The following NOL4L variants were observed in gnomAD, a reference collection of about 807,000 sequenced individuals.
NOL4L encodes nucleolar protein 4 like.
A neutral mutation model predicts 64.5 loss-of-function variants in NOL4L; 7 were observed. That is an observed-to-expected ratio of 0.11 (90% CI 0.06 to 0.20). The LOEUF is 0.20. Among genes scored for constraint, NOL4L ranks in the 10% least tolerant of loss-of-function variants. The pLI, the probability that NOL4L is intolerant of heterozygous loss-of-function variation, is 1.00. For synonymous variants in NOL4L, 413 were observed against 401.0 expected (o/e 1.03, Z -0.36); for missense variants, 680 against 967.1 (o/e 0.70, Z 3.94).
intron 10 of NOL4L, among the ~76,000 whole-genome samples, chr20:32,451,387 C>G (rs530963124): frequency 6.6e-6 from 1 of 152,324 alleles, no homozygotes; most frequent in South Asian, 2.1e-4. Context: ...AGTGCCTGGC[C>G]CAAGAGGTCC....
chr20:32,473,578 A>G (rs1210482451), intron 5 of NOL4L, among the ~76,000 whole-genome samples: 1 of 152,132 alleles, frequency 6.6e-6, no homozygotes, highest in South Asian at 2.1e-4. Flanking sequence ...TCTCCTCCCA[A>G]ACAAAGCCGG....
chr20:32,575,330 C>T (rs1379866565), intron 1 of NOL4L, among the ~76,000 whole-genome samples: 1 of 152,156 alleles, frequency 6.6e-6, no homozygotes, highest in Non-Finnish European at 1.5e-5. Flanking sequence ...TCCAAACATG[C>T]TTCTCTAAGA....
chr20:32,558,475 T>G (rs148235098), intron 1 of NOL4L, among the ~76,000 whole-genome samples: 1 of 152,328 alleles, frequency 6.6e-6, no homozygotes, highest in African/African-American at 2.4e-5. Flanking sequence ...TGAATGAGAC[T>G]ATTGAGGGCA....
At chr20:32,555,657 C>G (rs1978601570) in intron 1 of NOL4L, among the ~76,000 whole-genome samples, 1 of 152,050 alleles carries the variant, frequency 6.6e-6, no homozygotes, top group Non-Finnish European at 1.5e-5. Context: ...GGGCCGCACT[C>G]TAATAGGAAT....
intron 1 of NOL4L, among the ~76,000 whole-genome samples, chr20:32,569,157 C>T (rs925544116): frequency 1.3e-5 from 2 of 152,170 alleles, no homozygotes; most frequent in African/African-American, 4.8e-5. Flanking sequence ...TAGGAACCAA[C>T]GACATTTTGA....
chr20:32,582,969 C>G lies in NOL4L; in HGVS notation c.321+1601G>C, dbSNP rs567171311. ...GGGGGAGGGGACAATGACCCAGACT[C>G]GCCGGGTTTGAGCGAGAGTGCTGAT... On this transcript the variant is annotated intron_variant, in intron 1 of 10. Coordinates refer to ENST00000621426, the MANE Select transcript of NOL4L (RefSeq NM_001256798.2). Among the ~76,000 whole-genome samples the G allele has an allele frequency of 2.6e-5, 4 of 151,960 alleles. No individual in the cohort carries two copies. In the East Asian group the frequency reaches 5.9e-4, roughly 22 times the overall value.
chr20:32,454,037 G>A (rs566495392), intron 6 of NOL4L: 27 of 443,762 alleles, frequency 6.1e-5, no homozygotes, highest in Middle Eastern at 6.2e-4. Context: ...GCTGCTGAGC[G>A]CTTAGGAGGG....
At chr20:32,562,438 G>C (rs73906156) in intron 1 of NOL4L, among the ~76,000 whole-genome samples, 3,962 of 152,232 alleles carry the variant, frequency 0.026, 169 homozygotes, top group African/African-American at 0.088. Flanking sequence ...GTGTGCTATG[G>C]CTCCGCCCAC....
rs1458594135 is a variant in NOL4L, at chr20:32,445,864, C to T, written c.*1732G>A. ...CCTGAGGCAGGATGGGGCATCCTCACTGGTGCCCCCCCCATCCCTCCTTGG... is the reference window on the plus strand; with the variant it reads ...CCTGAGGCAGGATGGGGCATCCTCATTGGTGCCCCCCCCATCCCTCCTTGG... On this transcript the variant is annotated 3_prime_UTR_variant, in exon 11 of 11. Transcript: ENST00000621426. The T allele has an allele frequency of 6.8e-6, 1 of 148,020 alleles. No individual in the cohort carries two copies. The highest frequency in any genetic ancestry group is 1.9e-4 in the East Asian group (1 of 5,204). The allele number at this position is 148,020 out of a possible 1,614,324, so 9.2% of individuals were successfully genotyped here.
rs544513677 is a variant in NOL4L, at chr20:32,515,901, T to G, written c.590-4445A>C. ...TTCAACATCTCTTTGCCAAGAAAAATGGAAACCAGCCCAGGCACTAGACCT... is the reference window on the plus strand; with the variant it reads ...TTCAACATCTCTTTGCCAAGAAAAAGGGAAACCAGCCCAGGCACTAGACCT... On this transcript the variant is annotated intron_variant, in intron 3 of 10. Coordinates refer to ENST00000621426, the MANE Select transcript of NOL4L (RefSeq NM_001256798.2). 3.9e-5 allele frequency among the ~76,000 whole-genome samples: 6 copies of G among 152,080 alleles called. No individual in the cohort carries two copies. In the East Asian group the frequency reaches 1.2e-3, roughly 29 times the overall value.
intron 1 of NOL4L, among the ~76,000 whole-genome samples, chr20:32,559,179 G>A (rs1166093155): frequency 6.6e-6 from 1 of 152,102 alleles, no homozygotes; most frequent in Non-Finnish European, 1.5e-5. Flanking sequence ...CTGGATTTCT[G>A]TCCTTCCCTA....
intron 1 of NOL4L, among the ~76,000 whole-genome samples, chr20:32,562,901 G>T: frequency 2.8e-5 from 3 of 108,878 alleles, no homozygotes; most frequent in African/African-American, 1.1e-4. Flanking sequence ...GAGGGTGGAG[G>T]GGAGGGAGAG....
intron 1 of NOL4L, among the ~76,000 whole-genome samples, chr20:32,581,173 A>G (rs1394055627): frequency 7.2e-5 from 11 of 151,960 alleles, no homozygotes; most frequent in Non-Finnish European, 1.6e-4. Flanking sequence ...TCTCCTCCAT[A>G]CCCTGCTTCC....
At chr20:32,559,001 C>T (rs1263576095) in intron 1 of NOL4L, among the ~76,000 whole-genome samples, 3 of 152,104 alleles carry the variant, frequency 2.0e-5, no homozygotes, top group East Asian at 1.9e-4. Context: ...TAGTGTGTCC[C>T]GTATCTCCAG....
chr20:32,452,787 C>G, intron 9 of NOL4L, 97 bp downstream of exon 9: 2 of 1,554,718 alleles, frequency 1.3e-6, no homozygotes, highest in Non-Finnish European at 1.7e-6. Flanking sequence ...CTTCTCCCGA[C>G]TGTACCCATC....
chr20:32,531,952 G>C (rs1040663516), intron 1 of NOL4L, among the ~76,000 whole-genome samples: 19 of 152,096 alleles, frequency 1.2e-4, no homozygotes, highest in Non-Finnish European at 1.6e-4. Flanking sequence ...AATATGCTAA[G>C]GCTCCCACAA....
intron 1 of NOL4L, among the ~76,000 whole-genome samples, chr20:32,579,911 C>A (rs920297162): frequency 6.6e-6 from 1 of 152,152 alleles, no homozygotes; most frequent in Non-Finnish European, 1.5e-5. Context: ...CTCCTCCCCA[C>A]CCCACACCCA....
Position 32,551,531 on chromosome 20 carries a change from G to A in NOL4L, c.322-23618C>T, listed in dbSNP as rs552964503. Among the ~76,000 whole-genome samples, 10 of 152,162 alleles carry A rather than the reference G, an allele frequency of 6.6e-5. No homozygotes were observed. The East Asian group carries it at 7.7e-4, about 12-fold the overall frequency. On this transcript the variant is annotated intron_variant, in intron 1 of 10. Coordinates refer to ENST00000621426, the MANE Select transcript of NOL4L (RefSeq NM_001256798.2). Reference sequence around the variant, plus strand: ...ACATGCTACAACATGGATGAACCCCGAAAACGTAAGTAAAAGAAATCCATT... The same window carrying A: ...ACATGCTACAACATGGATGAACCCCAAAAACGTAAGTAAAAGAAATCCATT...
chr20:32,483,327 G>C, intron 4 of NOL4L: 2 of 978,028 alleles, frequency 2.0e-6, no homozygotes, highest in Non-Finnish European at 2.4e-6. Flanking sequence ...CCCCGGAAAC[G>C]GCCCGATCGC....
Sources: gnomAD v4.1 joint callset for allele counts (sites outside exome capture counted in the v4.1 genomes callset) on GRCh38, gnomAD v4.1.1 for gene constraint, MANE v1.5 for transcripts, NCBI Gene and HGNC (gene_info 2026-07-23, HGNC 2026-07-21) for gene names.